COMMD10: variants seen among roughly 807,000 people sequenced by gnomAD.
COMMD10 encodes the protein COMM domain-containing protein 10.
In COMMD10, 33 loss-of-function variants were observed where a neutral mutation model predicts 28.9. The observed-to-expected ratio is 1.14, with a 90% CI of 0.87 to 1.53. The LOEUF (loss-of-function observed/expected upper bound fraction) is 1.53, where lower values mean the gene tolerates loss of function less well. Among genes scored for constraint, COMMD10 ranks in the 40% most tolerant of loss-of-function variants. The pLI is 0.00. For missense variants in COMMD10, 310 were observed against 233.4 expected (o/e 1.33, Z -2.14); for synonymous variants, 110 against 81.7 (o/e 1.35, Z -1.87).
chr5:116,251,746 A>G (rs1039597806), intron 5 of COMMD10, among the ~76,000 whole-genome samples: 7 of 151,992 alleles, frequency 4.6e-5, no homozygotes, highest in Admixed American at 4.6e-4. Context: ...TAATGCCACA[A>G]TAAACATACG....
At chr5:116,223,094 A>G (rs977337816) in intron 5 of COMMD10, among the ~76,000 whole-genome samples, 8 of 152,108 alleles carry the variant, frequency 5.3e-5, no homozygotes, top group Non-Finnish European at 8.8e-5. Flanking sequence ...TTACTTGTCT[A>G]TGTTCTTATT....
intron 5 of COMMD10, among the ~76,000 whole-genome samples, chr5:116,264,127 A>G (rs1561398840): frequency 6.6e-6 from 1 of 151,746 alleles, no homozygotes; most frequent in South Asian, 2.1e-4. Flanking sequence ...AATCAAGTCA[A>G]ACTCTTCTGT....
At chr5:116,204,740 G>T (rs982281348) in intron 5 of COMMD10, among the ~76,000 whole-genome samples, 1 of 152,078 alleles carries the variant, frequency 6.6e-6, no homozygotes, top group African/African-American at 2.4e-5. Flanking sequence ...ACTCCATTTT[G>T]ATATTAATAT....
At chr5:116,095,898 A>G (rs912083355) in intron 4 of COMMD10, among the ~76,000 whole-genome samples, 11 of 152,070 alleles carry the variant, frequency 7.2e-5, no homozygotes, top group Non-Finnish European at 1.0e-4. Context: ...TTGAATTACC[A>G]TGTGTTTGTC....
chr5:116,103,760 C>T (rs1750740888), intron 4 of COMMD10, among the ~76,000 whole-genome samples: 1 of 152,186 alleles, frequency 6.6e-6, no homozygotes, highest in South Asian at 2.1e-4. Context: ...AATGGTATTG[C>T]ATAGGTTTTC....
intron 5 of COMMD10, among the ~76,000 whole-genome samples, chr5:116,201,444 T>G (rs1748663460): frequency 6.6e-6 from 1 of 152,138 alleles, no homozygotes; most frequent in Non-Finnish European, 1.5e-5. Flanking sequence ...AATTGCTGTT[T>G]AAGTTTTCTT....
intron 5 of COMMD10, among the ~76,000 whole-genome samples, chr5:116,230,522 A>G (rs1405382879): frequency 6.6e-6 from 1 of 152,042 alleles, no homozygotes; most frequent in Non-Finnish European, 1.5e-5. Context: ...AAGGAAACAC[A>G]AATTTATGTT....
chr5:116,263,486 CCT>C (rs1750503936), intron 5 of COMMD10, among the ~76,000 whole-genome samples: 1 of 151,780 alleles, frequency 6.6e-6, no homozygotes. Context: ...AATCCCCTTT[CCT>C]CTTTGTTTTC....
intron 5 of COMMD10, among the ~76,000 whole-genome samples, chr5:116,236,713 A>G (rs191443877): frequency 6.6e-6 from 1 of 152,090 alleles, no homozygotes; most frequent in Admixed American, 6.6e-5. Flanking sequence ...AACACAGATG[A>G]TTTTTAGGGC....
At position 116,212,796 on chromosome 5, in the gene COMMD10, A is replaced by G. The variant is rs533725099; in HGVS notation, c.510+78618A>G. Among the ~76,000 whole-genome samples the G allele has an allele frequency of 4.6e-5, 7 of 152,246 alleles. No homozygotes were observed. The East Asian group carries it at 1.2e-3, about 25-fold the overall frequency. On this transcript the variant is annotated intron_variant, in intron 5 of 6. Coordinates refer to ENST00000274458, the MANE Select transcript of COMMD10 (RefSeq NM_016144.4). ...AACATCGAAGGCTATCAGAAAATGTATGTTAGAATTTTAATGATTATAGAA... is the reference window on the plus strand; with the variant it reads ...AACATCGAAGGCTATCAGAAAATGTGTGTTAGAATTTTAATGATTATAGAA...
intron 4 of COMMD10, among the ~76,000 whole-genome samples, chr5:116,120,859 A>G (rs1034988942): frequency 2.6e-5 from 4 of 151,840 alleles, no homozygotes; most frequent in African/African-American, 9.7e-5. Context: ...TTTGGCTATT[A>G]TGAATAAACC....
At chr5:116,230,106 A>G (rs1159051414) in intron 5 of COMMD10, among the ~76,000 whole-genome samples, 1 of 151,962 alleles carries the variant, frequency 6.6e-6, no homozygotes, top group Non-Finnish European at 1.5e-5. Flanking sequence ...GTATTTTCCA[A>G]TGTCTAGGTA....
intron 5 of COMMD10, among the ~76,000 whole-genome samples, chr5:116,195,211 CTGAA>C (rs1748478065): frequency 1.3e-5 from 2 of 152,064 alleles, no homozygotes; most frequent in Non-Finnish European, 2.9e-5. Flanking sequence ...CAACATAATA[CTGAA>C]TGAGGAAAAG....
At chr5:116,118,823 C>G (rs1313009564) in intron 4 of COMMD10, among the ~76,000 whole-genome samples, 1 of 151,960 alleles carries the variant, frequency 6.6e-6, no homozygotes, top group Non-Finnish European at 1.5e-5. Flanking sequence ...TCTAAGAGAC[C>G]CTTAATCAGT....
intron 5 of COMMD10, among the ~76,000 whole-genome samples, chr5:116,245,453 C>G (rs1005055944): frequency 5.3e-5 from 8 of 152,164 alleles, no homozygotes; most frequent in African/African-American, 1.9e-4. Flanking sequence ...GAAACTATTT[C>G]AAAAGTTGAT....
intron 5 of COMMD10, among the ~76,000 whole-genome samples, chr5:116,195,179 C>A (rs981673158): frequency 1.3e-5 from 2 of 152,044 alleles, no homozygotes; most frequent in African/African-American, 4.8e-5. Context: ...GTAATAAAAG[C>A]CATCAATGAC....
chr5:116,088,577 A>C (rs1750198861), intron 2 of COMMD10, among the ~76,000 whole-genome samples: 1 of 152,246 alleles, frequency 6.6e-6, no homozygotes, highest in Non-Finnish European at 1.5e-5. Flanking sequence ...GTATGGCTGC[A>C]GTCTACATTC....
At chr5:116,230,563 C>G (rs1487638886) in intron 5 of COMMD10, among the ~76,000 whole-genome samples, 2 of 151,946 alleles carry the variant, frequency 1.3e-5, no homozygotes, top group Non-Finnish European at 2.9e-5. Flanking sequence ...AAATTTGTTG[C>G]TGTGTTTATT....
At position 116,091,102 on chromosome 5, in the gene COMMD10, A is replaced by G; in HGVS notation, c.156A>G (p.Glu52=). The change falls in exon 3 of 7, where the codon GAA becomes GAG. Residue 52 remains glutamate (E), a synonymous_variant. Coordinates refer to ENST00000274458, the MANE Select transcript of COMMD10 (RefSeq NM_016144.4). ...HLKAESSFSE[E]EEEKLQAAFS... is the part of the protein sequence containing the mutation. ...AGGCTGAGAGCAGTTTCAGTGAAGA[A>G]GAGGAAGAAAAACTTCAAGCGGCAT... The G allele has an allele frequency of 6.2e-7, 1 of 1,610,644 alleles. No homozygotes were observed. The highest frequency in any genetic ancestry group is 8.5e-7 in the Non-Finnish European group (1 of 1,177,890).
Sources: allele counts gnomAD v4.1 joint callset (sites outside exome capture counted in the v4.1 genomes callset), GRCh38; gene constraint gnomAD v4.1.1; transcripts MANE v1.5; gene names NCBI Gene and HGNC (gene_info 2026-07-23, HGNC 2026-07-21).